TYW1B: variants seen among roughly 807,000 people sequenced by gnomAD.
TYW1B encodes the protein S-adenosyl-L-methionine-dependent tRNA 4-demethylwyosine synthase TYW1B.
TYW1B carries 73 observed loss-of-function variants against 86.9 expected under a neutral mutation model. The ratio of observed to expected loss-of-function variants is 0.84; its 90% CI spans 0.70 to 1.02. The LOEUF (loss-of-function observed/expected upper bound fraction) is 1.02. Among genes scored for constraint, TYW1B ranks in the 50% least tolerant of loss-of-function variants. The pLI is 0.00. For synonymous variants in TYW1B, 248 were observed against 292.8 expected (o/e 0.85, Z 1.56); for missense variants, 637 against 827.4 (o/e 0.77, Z 2.82).
intron 10 of TYW1B, among the ~76,000 whole-genome samples, chr7:72,703,083 G>A (rs1814528394): frequency 7.0e-6 from 1 of 143,182 alleles, no homozygotes; most frequent in African/African-American, 2.6e-5. Context: ...AGAGTGCAGT[G>A]GCACTATCTC....
At chr7:72,712,952 T>C (rs150500822) in intron 10 of TYW1B, among the ~76,000 whole-genome samples, 14 of 152,116 alleles carry the variant, frequency 9.2e-5, no homozygotes, top group Non-Finnish European at 1.8e-4. Flanking sequence ...AGGAAGTTCC[T>C]TATTAACAAC....
chr7:72,679,711 T>C (rs1368773391), intron 11 of TYW1B, among the ~76,000 whole-genome samples: 1 of 152,142 alleles, frequency 6.6e-6, no homozygotes, highest in Non-Finnish European at 1.5e-5. Flanking sequence ...TTTAAAAAAA[T>C]GGTCAAAAAT....
At chr7:72,646,476 A>T (rs1812934324) in intron 11 of TYW1B, among the ~76,000 whole-genome samples, 2 of 151,802 alleles carry the variant, frequency 1.3e-5, no homozygotes, top group African/African-American at 4.8e-5. Context: ...GGCTCAAGTG[A>T]TCCTCCTGCC....
At chr7:72,749,514 T>G (rs200453822) in intron 7 of TYW1B, among the ~76,000 whole-genome samples, 22 of 152,228 alleles carry the variant, frequency 1.4e-4, no homozygotes, top group Middle Eastern at 3.4e-3. Context: ...GGATGGTCTC[T>G]ATCTCCCAAC....
chr7:72,756,872 T>C (rs1554466258), intron 7 of TYW1B, among the ~76,000 whole-genome samples: 1 of 152,068 alleles, frequency 6.6e-6, no homozygotes, highest in Non-Finnish European at 1.5e-5. Context: ...AAACATCCAA[T>C]TTGCAAGTGA....
At chr7:72,660,827 T>C (rs1813310296) in intron 11 of TYW1B, among the ~76,000 whole-genome samples, 1 of 151,950 alleles carries the variant, frequency 6.6e-6, no homozygotes, top group Non-Finnish European at 1.5e-5. Flanking sequence ...GCCTTAAAAA[T>C]GCACTTTAGA....
intron 9 of TYW1B, among the ~76,000 whole-genome samples, chr7:72,727,171 G>A (rs782730311): frequency 1.3e-5 from 2 of 152,128 alleles, no homozygotes; most frequent in Admixed American, 6.6e-5. Context: ...TTACGAATGA[G>A]TGGCCAGAAC....
rs1273003148 is a variant in TYW1B, at chr7:72,704,389, G to A, written c.1370+9232C>T. 7.0e-5 allele frequency among the ~76,000 whole-genome samples: 10 copies of A among 142,126 alleles called. No homozygotes were observed. In the South Asian group the frequency reaches 1.1e-3, roughly 16 times the overall value. The allele number at this position is 142,126 out of a possible 152,430, so 93.2% of individuals were successfully genotyped here. A position where few individuals can be genotyped will look rare whatever the true frequency, so the allele number is the denominator to read the frequency against. On this transcript the variant is annotated intron_variant, in intron 10 of 13. Transcript: ENST00000620995. ...GTGGAGGTTGTAGTGAGCCCAGATCGCACCACTGCACTCCAGCATAGGAGA... is the reference window on the plus strand; with the variant it reads ...GTGGAGGTTGTAGTGAGCCCAGATCACACCACTGCACTCCAGCATAGGAGA...
intron 11 of TYW1B, among the ~76,000 whole-genome samples, chr7:72,682,497 T>C (rs1359184313): frequency 6.6e-6 from 1 of 152,180 alleles, no homozygotes; most frequent in East Asian, 1.9e-4. Flanking sequence ...AAAGGAGAAT[T>C]CACAAAGACA....
intron 12 of TYW1B, among the ~76,000 whole-genome samples, chr7:72,623,922 C>T (rs1452474583): frequency 6.6e-6 from 1 of 152,054 alleles, no homozygotes; most frequent in East Asian, 1.9e-4. Flanking sequence ...ATGCCTCAGC[C>T]TCCTGAGTAG....
chr7:72,596,028 T>C (rs1230740994), intron 13 of TYW1B, among the ~76,000 whole-genome samples: 20 of 151,394 alleles, frequency 1.3e-4, no homozygotes, highest in East Asian at 5.8e-4. Context: ...ACACAAAAAT[T>C]AGATGGGCAT....
intron 11 of TYW1B, among the ~76,000 whole-genome samples, chr7:72,636,060 C>G (rs1812659317): frequency 2.6e-5 from 4 of 152,180 alleles, no homozygotes; most frequent in Admixed American, 2.6e-4. Context: ...TTTTACAACC[C>G]TGAATCTGCC....
At position 72,768,786 on chromosome 7, in the gene TYW1B, CA is replaced by C. The variant is rs35836607; in HGVS notation, c.964+8629del. On this transcript the variant is annotated intron_variant, in intron 7 of 13. Coordinates refer to ENST00000620995, the MANE Select transcript of TYW1B (RefSeq NM_001145440.3). ...TGGGCAACAGAGCGAGACTCCATCT[CA>C]AAAAAAAAAAAAAAATCGAACCTGT... is the stretch of plus-strand genomic sequence containing the variant. The C allele has an allele frequency of 2.7e-3, 361 of 134,946 alleles. No homozygotes were observed. The Middle Eastern group carries it at 0.032, about 12-fold the overall frequency. The allele number at this position is 134,946 out of a possible 1,614,324, so 8.4% of individuals were successfully genotyped here.
intron 11 of TYW1B, among the ~76,000 whole-genome samples, chr7:72,656,792 T>C (rs2129569351): frequency 6.6e-6 from 1 of 152,216 alleles, no homozygotes; most frequent in Non-Finnish European, 1.5e-5. Flanking sequence ...CATCACATGG[T>C]GAGAGTGGGA....
intron 12 of TYW1B, among the ~76,000 whole-genome samples, chr7:72,621,447 T>C (rs1812213257): frequency 1.3e-5 from 2 of 152,178 alleles, no homozygotes; most frequent in South Asian, 4.1e-4. Context: ...CAATGGACCA[T>C]CAGCCATTCA....
chr7:72,710,868 T>C (rs1786643638), intron 10 of TYW1B, among the ~76,000 whole-genome samples: 1 of 152,228 alleles, frequency 6.6e-6, no homozygotes, highest in African/African-American at 2.4e-5. Flanking sequence ...GTGATCAATC[T>C]TTCTAGAAAT....
chr7:72,781,346 G>A (rs117873478), intron 6 of TYW1B, among the ~76,000 whole-genome samples: 2,728 of 152,104 alleles, frequency 0.018, 45 homozygotes, highest in South Asian at 0.037. Flanking sequence ...ATCACCCCAC[G>A]GCATGCTCCA....
At chr7:72,701,055 T>C (rs1366021764) in intron 10 of TYW1B, among the ~76,000 whole-genome samples, 13 of 151,584 alleles carry the variant, frequency 8.6e-5, no homozygotes, top group Admixed American at 6.6e-4. Context: ...CAGAGCAAGA[T>C]TCCATCTCAG....
At chr7:72,616,909 C>A in intron 12 of TYW1B, 70 bp from the exon 13 acceptor site, 1 of 1,588,302 alleles carries the variant, frequency 6.3e-7, no homozygotes, top group African/African-American at 1.3e-5. Flanking sequence ...CTTTCAGAGC[C>A]GGAAAGCCTT....
Sources: gnomAD v4.1 joint callset for allele counts (sites outside exome capture counted in the v4.1 genomes callset) on GRCh38, gnomAD v4.1.1 for gene constraint, MANE v1.5 for transcripts, NCBI Gene and HGNC (gene_info 2026-07-23, HGNC 2026-07-21) for gene names.